VGLL4: variants seen among roughly 807,000 people sequenced by gnomAD.
VGLL4 encodes the protein vestigial like family member 4.
In VGLL4, 7 loss-of-function variants were observed where a neutral mutation model predicts 21.0. The ratio of observed to expected loss-of-function variants is 0.33; its 90% CI spans 0.19 to 0.63. VGLL4 has a LOEUF of 0.63. Ranked by LOEUF, VGLL4 falls within the 20% of genes least tolerant of loss-of-function variation. The pLI is 0.78. For missense variants in VGLL4, 394 were observed against 425.7 expected (o/e 0.93, Z 0.66); for synonymous variants, 222 against 173.2 (o/e 1.28, Z -2.21).
At position 11,691,385 on chromosome 3, in the gene VGLL4, C is replaced by G. The variant is rs149332588; in HGVS notation, c.64+11586G>C. ...AAGCTGACAAATCCAGCCCCACATT[C>G]CTATGGGAAATCATCAGCTGGTGTG... is the stretch of plus-strand genomic sequence containing the variant. On this transcript the variant is annotated intron_variant, in intron 2 of 5. Transcript: ENST00000273038. Among the ~76,000 whole-genome samples the G allele has an allele frequency of 2.1e-3, 326 of 152,164 alleles. 2 individuals carry two copies. The highest frequency in any genetic ancestry group is 7.6e-3 in the African/African-American group (314 of 41,492).
At chr3:11,664,299 G>A (rs979824204) in intron 2 of VGLL4, among the ~76,000 whole-genome samples, 3 of 152,120 alleles carry the variant, frequency 2.0e-5, no homozygotes, top group African/African-American at 7.2e-5. Context: ...ACACAGACTG[G>A]TCCCTGGAAG....
At chr3:11,707,660 A>G in intron 1 of VGLL4, among the ~76,000 whole-genome samples, 1 of 152,140 alleles carries the variant, frequency 6.6e-6, no homozygotes, top group Non-Finnish European at 1.5e-5. Context: ...GACCAGCCTG[A>G]GCAACACAGA....
intron 1 of VGLL4, among the ~76,000 whole-genome samples, chr3:11,705,750 G>A (rs984686373): frequency 4.6e-5 from 7 of 152,096 alleles, no homozygotes; most frequent in African/African-American, 1.4e-4. Flanking sequence ...GTGAAACCCC[G>A]TCTCTACTAA....
intron 1 of VGLL4, among the ~76,000 whole-genome samples, chr3:11,720,239 T>G (rs9841249): frequency 1 from 152,038 of 152,040 alleles, 76,018 homozygotes; most frequent in Non-Finnish European, 1. Context: ...AGCAGCCGGA[T>G]AAGGGCGCAC....
chr3:11,558,856 AG>A (rs1228095192), intron 4 of VGLL4, 29 bp from the exon 5 acceptor site: 1 of 1,605,892 alleles, frequency 6.2e-7, no homozygotes, highest in African/African-American at 1.3e-5. Context: ...GCAGGCAGTC[AG>A]ACACAGGTGG....
At chr3:11,588,654 G>A (rs1425301909) in intron 2 of VGLL4, among the ~76,000 whole-genome samples, 3 of 152,240 alleles carry the variant, frequency 2.0e-5, no homozygotes, top group Admixed American at 6.5e-5. Context: ...GAAGTTAGCA[G>A]GCTGATCCAC....
intron 4 of VGLL4, among the ~76,000 whole-genome samples, chr3:11,559,064 G>A (rs2072715018): frequency 6.6e-6 from 1 of 152,208 alleles, no homozygotes; most frequent in Non-Finnish European, 1.5e-5. Flanking sequence ...AAGAGAATGT[G>A]GCATTAAATT....
intron 2 of VGLL4, among the ~76,000 whole-genome samples, chr3:11,670,149 G>A (rs896158439): frequency 5.3e-5 from 8 of 151,186 alleles, no homozygotes; most frequent in African/African-American, 1.7e-4. Context: ...ATTCAGATGC[G>A]GATGGGCTAC....
At chr3:11,599,475 G>A (rs564374869) in intron 2 of VGLL4, among the ~76,000 whole-genome samples, 15 of 139,880 alleles carry the variant, frequency 1.1e-4, no homozygotes, top group East Asian at 8.6e-4. Flanking sequence ...TCACAGACCC[G>A]TACCTCAAAG....
intron 1 of VGLL4, among the ~76,000 whole-genome samples, chr3:11,630,913 G>GTT (rs1374399568): frequency 1.3e-5 from 2 of 151,674 alleles, no homozygotes; most frequent in Admixed American, 6.6e-5. Context: ...TACGTTTTAT[G>GTT]TTATATATAT....
intron 1 of VGLL4, among the ~76,000 whole-genome samples, chr3:11,608,248 A>G (rs947129474): frequency 2.6e-5 from 4 of 152,230 alleles, no homozygotes; most frequent in Admixed American, 2.0e-4. Flanking sequence ...CAAATTCCCA[A>G]TGACAACTAA....
chr3:11,689,585 G>T (rs1039202), intron 2 of VGLL4, among the ~76,000 whole-genome samples: 74,722 of 151,940 alleles, frequency 0.49, 19,715 homozygotes, highest in Non-Finnish European at 0.61. Context: ...TCTGCTATGC[G>T]CCCCAAAGTC....
At chr3:11,684,774 T>C (rs2076422794) in intron 2 of VGLL4, among the ~76,000 whole-genome samples, 1 of 138,362 alleles carries the variant, frequency 7.2e-6, no homozygotes, top group East Asian at 2.0e-4. Flanking sequence ...AAAAGTAAAA[T>C]TTCTATTTTC....
chr3:11,615,703 C>T (rs936209876), intron 1 of VGLL4, among the ~76,000 whole-genome samples: 1 of 152,176 alleles, frequency 6.6e-6, no homozygotes, highest in African/African-American at 2.4e-5. Flanking sequence ...TTATTACACA[C>T]CTTTAATTTG....
At chr3:11,645,603 C>CAAAAAAAAAAAA (rs34230304), upstream of VGLL4, among the ~76,000 whole-genome samples, 17 of 77,294 alleles carry the variant, frequency 2.2e-4, no homozygotes, top group Non-Finnish European at 2.8e-4. Flanking sequence ...GACTCCGTCT[C>CAAAAAAAAAAAA]AAAAAAAAAA....
rs139388909 is a variant in VGLL4, at chr3:11,634,161, G to A, written c.82+9276C>T. On this transcript the variant is annotated intron_variant, in intron 1 of 4. Coordinates refer to ENST00000430365, the MANE Select transcript of VGLL4 (RefSeq NM_001128219.3). ...ACTTTCTATTATTTATCTCTTCTTC[G>A]AAATCTCAGAGCCTTTAAACTCAAC... Among the ~76,000 whole-genome samples the A allele has an allele frequency of 5.4e-3, 815 of 152,066 alleles. 8 individuals are homozygous for A. Among genetic ancestry groups the A allele is most frequent in the African/African-American group, 0.019 (785 of 41,464 alleles).
At chr3:11,678,932 C>A (rs2076332749) in intron 2 of VGLL4, among the ~76,000 whole-genome samples, 6 of 152,238 alleles carry the variant, frequency 3.9e-5, no homozygotes, top group Admixed American at 3.3e-4. Flanking sequence ...GACATCATAG[C>A]CGTCATAATG....
In VGLL4 at chr3:11,620,574, T is replaced by C. The variant is rs369123380; in HGVS notation, c.83-18552A>G. On this transcript the variant is annotated intron_variant, in intron 1 of 4. Coordinates refer to ENST00000430365, the MANE Select transcript of VGLL4 (RefSeq NM_001128219.3). ...ATCAGACCTGCCACTACCAAAACTC[T>C]CCTTCTCTATGGAAATTCCAGAGCT... is the stretch of plus-strand genomic sequence containing the variant. Among the ~76,000 whole-genome samples, 28 of 152,292 alleles carry C rather than the reference T, an allele frequency of 1.8e-4. No homozygotes were observed. The South Asian group carries it at 5.6e-3, about 30-fold the overall frequency.
chr3:11,702,977 C>T (rs1490664912), exon 2 of VGLL4: 13 of 1,610,910 alleles, frequency 8.1e-6, no homozygotes, highest in East Asian at 2.2e-5. Context: ...TTACGTTTTT[C>T]GTCATCAGCA....
Sources: gnomAD v4.1 joint callset for allele counts (sites outside exome capture counted in the v4.1 genomes callset) on GRCh38, gnomAD v4.1.1 for gene constraint, MANE v1.5 for transcripts, NCBI Gene and HGNC (gene_info 2026-07-23, HGNC 2026-07-21) for gene names.